SLC47A1: variants seen among roughly 807,000 people sequenced by gnomAD.
SLC47A1 encodes solute carrier family 47 member 1.
In SLC47A1, 58 loss-of-function variants were observed where a neutral mutation model predicts 65.8. That is an observed-to-expected ratio of 0.88 (90% CI 0.71 to 1.10). The LOEUF is 1.10. Among genes scored for constraint, SLC47A1 ranks in the 50% least tolerant of loss-of-function variants. The probability of loss-of-function intolerance (pLI) is 0.00; values close to 1 mark genes in which losing one functional copy is unlikely to be tolerated. For synonymous variants in SLC47A1, 285 were observed against 295.0 expected, an observed-to-expected ratio of 0.97 and a Z score of 0.35; for missense variants, 706 against 719.2, an observed-to-expected ratio of 0.98 and a Z score of 0.21.
intron 16 of SLC47A1, among the ~76,000 whole-genome samples, chr17:19,575,367 C>T (rs1056898696): frequency 5.3e-5 from 8 of 149,538 alleles, no homozygotes; most frequent in Middle Eastern, 3.3e-3. Context: ...TTTTTCTCTT[C>T]GGAAGCTTTT....
intron 1 of SLC47A1, among the ~76,000 whole-genome samples, chr17:19,538,305 C>A (rs1209247917): frequency 6.6e-6 from 1 of 152,228 alleles, no homozygotes; most frequent in African/African-American, 2.4e-5. Context: ...ACCCAAAAAA[C>A]GCTGGCAACA....
intron 14 of SLC47A1, among the ~76,000 whole-genome samples, chr17:19,570,090 C>T (rs747888453): frequency 8.5e-5 from 13 of 152,062 alleles, no homozygotes; most frequent in Non-Finnish European, 1.3e-4. Flanking sequence ...CCAGCCTGGG[C>T]AACAGAGCAA....
At chr17:19,575,332 C>T (rs924254325) in intron 16 of SLC47A1, among the ~76,000 whole-genome samples, 1 of 151,698 alleles carries the variant, frequency 6.6e-6, no homozygotes, top group Non-Finnish European at 1.5e-5. Context: ...AGCTTATTCT[C>T]GTGCCATTAT....
In SLC47A1 at chr17:19,551,322, G is replaced by T. The variant is rs182000670; in HGVS notation, c.499-102G>T. ...CTGTGGCTCCGTGCGGGAGCAGAGG[G>T]CAGCCGAACCTTGGCTGTGGCTCCT... is the stretch of plus-strand genomic sequence containing the variant. On this transcript the variant is annotated intron_variant, in intron 5 of 16. Transcript: ENST00000270570. The T allele has an allele frequency of 8.6e-4, 885 of 1,032,590 alleles. 6 individuals are homozygous for T. The African/African-American group carries it at 0.012, about 15-fold the overall frequency. 64.0% of individuals were successfully genotyped at this position (1,032,590 alleles called of 1,614,324 possible). A position where few individuals can be genotyped will look rare whatever the true frequency, so the allele number is the denominator to read the frequency against.
At chr17:19,554,131 C>T (rs1916535442) in intron 6 of SLC47A1, among the ~76,000 whole-genome samples, 1 of 152,018 alleles carries the variant, frequency 6.6e-6, no homozygotes, top group Non-Finnish European at 1.5e-5. Context: ...GATGCCTCAG[C>T]AAAGGAAGAA....
At chr17:19,575,365 T>C (rs962144465) in intron 16 of SLC47A1, among the ~76,000 whole-genome samples, 4 of 151,718 alleles carry the variant, frequency 2.6e-5, no homozygotes, top group Admixed American at 2.6e-4. Context: ...CATTTTTCTC[T>C]TCGGAAGCTT....
chr17:19,541,408 G>T (rs984555543), intron 1 of SLC47A1, among the ~76,000 whole-genome samples: 1 of 152,184 alleles, frequency 6.6e-6, no homozygotes, highest in Non-Finnish European at 1.5e-5. Context: ...TCTAGTGGGT[G>T]GGGGGCAGGA....
rs1227877643 is a variant in SLC47A1 at position 19,533,908 on chromosome 17, T to TCCGCGGTACCCACTGCCGGCCG, written c.-27_-26insGTACCCACTGCCGGCCGCCGCG. 2.7e-6 allele frequency: 4 copies of TCCGCGGTACCCACTGCCGGCCG among 1,465,484 alleles called. No individual in the cohort carries two copies. Among genetic ancestry groups the TCCGCGGTACCCACTGCCGGCCG allele is most frequent in the Non-Finnish European group, 1.8e-6 (2 of 1,113,140 alleles). 90.8% of individuals were successfully genotyped at this position (1,465,484 alleles called of 1,614,324 possible). On this transcript the variant is annotated 5_prime_UTR_variant, in exon 1 of 17. Transcript: ENST00000270570. ...GCCTCCGCGGTACCCACTGCCGGCC[T>TCCGCGGTACCCACTGCCGGCCG]CCGCGCTACCCGGCCGCAGCGCGCG...
rs1186109480 is a variant in SLC47A1 at position 19,571,568 on chromosome 17, A to G, written c.1400A>G (p.Gln467Arg). The change falls in exon 15 of 17, where the codon CAG (glutamine) becomes CGG (arginine). Residue 467 changes from glutamine (Q) to arginine (R), a missense_variant. Gln to Arg is a conservative substitution (Grantham distance 43). Coordinates refer to ENST00000270570, the MANE Select transcript of SLC47A1 (RefSeq NM_018242.3). ...CAGCTAAATTGGAAAAAAGCCTGTC[A>G]GCAGGTAACTATGTTCATTCTGTCC... is the stretch of plus-strand genomic sequence containing the variant. ...IIQLNWKKAC[Q>R]QAQVHANLKV... 1.9e-6 allele frequency: 3 copies of G among 1,612,990 alleles called. No individual in the cohort carries two copies. Among genetic ancestry groups the G allele is most frequent in the African/African-American group, 1.3e-5 (1 of 75,034 alleles).
rs376353161 is a variant in SLC47A1 at position 19,577,288 on chromosome 17, A to G, written c.1487-39A>G. 1.1e-3 allele frequency: 1,818 copies of G among 1,593,640 alleles called. 2 individuals carry two copies. The highest frequency in any genetic ancestry group is 1.4e-3 in the Non-Finnish European group (1,657 of 1,173,070). On this transcript the variant is annotated intron_variant, in intron 16 of 16. Transcript: ENST00000270570. ...TAGCCCTTTATAAAAATGAAAAAAA[A>G]AATCCCTTTTAAGCTGCTAAGTTCC... is the stretch of plus-strand genomic sequence containing the variant.
chr17:19,545,682 T>G (rs943949848), intron 2 of SLC47A1, among the ~76,000 whole-genome samples: 6 of 150,786 alleles, frequency 4.0e-5, no homozygotes, highest in Admixed American at 1.3e-4. Flanking sequence ...TAGGGACGAG[T>G]TTTCATCATG....
intron 1 of SLC47A1, among the ~76,000 whole-genome samples, chr17:19,540,130 G>A (rs951688234): frequency 1.3e-5 from 2 of 152,186 alleles, no homozygotes; most frequent in Non-Finnish European, 2.9e-5. Context: ...TTTTGTATCC[G>A]AGACATCTAA....
chr17:19,560,449 G>T lies in SLC47A1; in HGVS notation c.1062G>T (p.Leu354=). The T allele has an allele frequency of 2.5e-6, 4 of 1,614,196 alleles. No homozygotes were observed. Among genetic ancestry groups the T allele is most frequent in the Non-Finnish European group, 3.4e-6 (4 of 1,180,042 alleles). ...TTGCTGTAGCCTTCAGTGTCCTGCT[G>T]TTAAGCTGTAAGGATCACGTGGGGT... The part of the protein sequence containing the change: ...VLFAVAFSVL[L]LSCKDHVGYI... Residue 354 remains leucine, a synonymous_variant, in exon 12 of 17, where the codon CTG becomes CTT. Transcript: ENST00000270570.
chr17:19,540,849 G>C (rs79262813), intron 1 of SLC47A1, among the ~76,000 whole-genome samples: 3 of 143,006 alleles, frequency 2.1e-5, no homozygotes, highest in Middle Eastern at 3.5e-3. Context: ...TCCTACAACA[G>C]ACACACACAC....
In SLC47A1 at chr17:19,572,681, A is replaced by G. The variant is rs962516695; in HGVS notation, c.1405-99A>G. 20 of 1,082,388 alleles carry G rather than the reference A, an allele frequency of 1.8e-5. No homozygotes were observed. In the Admixed American group the frequency reaches 3.3e-4, roughly 18 times the overall value. The allele number at this position is 1,082,388 out of a possible 1,614,324, so 67.0% of individuals were successfully genotyped here. A position where few individuals can be genotyped will look rare whatever the true frequency, so the allele number is the denominator to read the frequency against. On this transcript the variant is annotated intron_variant, in intron 15 of 16. Transcript: ENST00000270570. ...AGAGGAACTTCAGCTATACATGCCAATTAAGGAAAATGGCTTGGCTCTTCC... is the reference window on the plus strand; with the variant it reads ...AGAGGAACTTCAGCTATACATGCCAGTTAAGGAAAATGGCTTGGCTCTTCC...
At chr17:19,537,038 C>G (rs1916005641) in intron 1 of SLC47A1, among the ~76,000 whole-genome samples, 1 of 152,234 alleles carries the variant, frequency 6.6e-6, no homozygotes, top group East Asian at 1.9e-4. Flanking sequence ...GATACCTGGC[C>G]TCAGGTACTC....
At chr17:19,561,823 T>C (rs553706230) in intron 12 of SLC47A1, among the ~76,000 whole-genome samples, 2 of 152,290 alleles carry the variant, frequency 1.3e-5, no homozygotes, top group African/African-American at 4.8e-5. Context: ...ATTAATTACA[T>C]TTTCAGTTAA....
intron 10 of SLC47A1, among the ~76,000 whole-genome samples, chr17:19,556,879 A>G (rs1362474569): frequency 1.3e-5 from 2 of 152,218 alleles, no homozygotes; most frequent in Non-Finnish European, 2.9e-5. Flanking sequence ...TCACAGGAGC[A>G]TTATTGACAG....
chr17:19,564,419 T>C (rs2084340320), intron 12 of SLC47A1: 1 of 152,084 alleles, frequency 6.6e-6, no homozygotes, highest in African/African-American at 2.4e-5. Flanking sequence ...GAATGCTGCA[T>C]GTGAAATGAT....
Sources: gnomAD v4.1 joint callset for allele counts (sites outside exome capture counted in the v4.1 genomes callset) on GRCh38, gnomAD v4.1.1 for gene constraint, MANE v1.5 for transcripts, NCBI Gene and HGNC (gene_info 2026-07-23, HGNC 2026-07-21) for gene names.